Variants in GRIK2 observed in about 807,000 individuals in gnomAD.
The protein encoded by GRIK2 is glutamate ionotropic receptor kainate type subunit 2.
A neutral mutation model predicts 100.3 loss-of-function variants in GRIK2; 32 were observed. The observed-to-expected ratio is 0.32, with a 90% confidence interval of 0.24 to 0.43. GRIK2 has a LOEUF of 0.43. Ranked by LOEUF, GRIK2 falls within the 20% of genes least tolerant of loss-of-function variation. GRIK2 has a pLI of 1.00. For missense variants in GRIK2, 843 were observed against 1,114.9 expected, an observed-to-expected ratio of 0.76 and a Z score of 3.47; for synonymous variants, 417 against 389.4, an observed-to-expected ratio of 1.07 and a Z score of -0.83.
intron 2 of GRIK2, chr6:101,430,571 A>G (rs1769321020): frequency 6.3e-6 from 1 of 159,938 alleles, no homozygotes; most frequent in African/African-American, 2.4e-5. Flanking sequence ...AGTGATGCCC[A>G]GGTATGTGAT....
At chr6:101,788,790 A>T (rs1280953476) in intron 7 of GRIK2, among the ~76,000 whole-genome samples, 1 of 152,104 alleles carries the variant, frequency 6.6e-6, no homozygotes, top group Non-Finnish European at 1.5e-5. Context: ...CGCCACACTG[A>T]CTTCCACAAT....
At chr6:101,760,463 A>T (rs1408262180) in intron 7 of GRIK2, among the ~76,000 whole-genome samples, 2 of 18,852 alleles carry the variant, frequency 1.1e-4, no homozygotes, top group African/African-American at 2.1e-4. Flanking sequence ...AATTAATTAT[A>T]TTTAATTATA....
At chr6:101,686,040 G>T in intron 6 of GRIK2, 140 bp from the exon 7 acceptor site, 1 of 573,428 alleles carries the variant, frequency 1.7e-6, no homozygotes, top group Non-Finnish European at 3.1e-6. Flanking sequence ...TTTGAATCTT[G>T]GTGATTTGTG....
intron 7 of GRIK2, among the ~76,000 whole-genome samples, chr6:101,757,881 T>C (rs1442615190): frequency 6.6e-6 from 1 of 152,276 alleles, no homozygotes; most frequent in East Asian, 1.9e-4. Flanking sequence ...GTAGTTTTTT[T>C]CTGCTTAGAA....
At chr6:101,562,127 G>T (rs1171067757) in intron 2 of GRIK2, among the ~76,000 whole-genome samples, 1 of 152,074 alleles carries the variant, frequency 6.6e-6, no homozygotes, top group East Asian at 1.9e-4. Context: ...CTGTGAAAAG[G>T]GGGGAAATCT....
At chr6:101,934,568 G>A (rs1430397590) in intron 14 of GRIK2, among the ~76,000 whole-genome samples, 1 of 151,866 alleles carries the variant, frequency 6.6e-6, no homozygotes, top group African/African-American at 2.4e-5. Context: ...CTACAAGAAT[G>A]TAAGTAACTT....
intron 7 of GRIK2, among the ~76,000 whole-genome samples, chr6:101,691,598 G>A (rs565191240): frequency 1.3e-5 from 2 of 151,974 alleles, no homozygotes; most frequent in African/African-American, 4.8e-5. Flanking sequence ...CACTGCGCTC[G>A]GCCATTAGAA....
chr6:101,606,394 A>T lies in GRIK2; in HGVS notation c.116-15555A>T, dbSNP rs950531719. Reference sequence around the variant, plus strand: ...CACTGATCTGTTAAATACTGACCTCATTCATTTCCATGAATATTGGAATCA... The same window carrying T: ...CACTGATCTGTTAAATACTGACCTCTTTCATTTCCATGAATATTGGAATCA... On this transcript the variant is annotated intron_variant, in intron 2 of 16. Coordinates refer to ENST00000369134, the MANE Select transcript of GRIK2 (RefSeq NM_021956.5). 2.0e-5 allele frequency among the ~76,000 whole-genome samples: 3 copies of T among 151,970 alleles called. No individual in the cohort carries two copies. The East Asian group carries it at 5.8e-4, about 29-fold the overall frequency.
chr6:101,975,596 G>A (rs1793313411), intron 14 of GRIK2, among the ~76,000 whole-genome samples: 1 of 151,906 alleles, frequency 6.6e-6, no homozygotes, highest in African/African-American at 2.4e-5. Context: ...TGAGGTAAGT[G>A]AGGAAAAACT....
chr6:101,943,603 G>C (rs1582586030), intron 14 of GRIK2, among the ~76,000 whole-genome samples: 2 of 152,204 alleles, frequency 1.3e-5, no homozygotes, highest in Non-Finnish European at 2.9e-5. Flanking sequence ...CTGTATGTGA[G>C]ACATGGAGTC....
intron 4 of GRIK2, among the ~76,000 whole-genome samples, chr6:101,651,131 C>T (rs992125708): frequency 1.3e-5 from 2 of 150,660 alleles, no homozygotes; most frequent in Non-Finnish European, 2.9e-5. Context: ...AGATTATGAT[C>T]AATTTTCCCC....
At chr6:101,931,191 A>G (rs1306064849) in intron 14 of GRIK2, among the ~76,000 whole-genome samples, 1 of 152,050 alleles carries the variant, frequency 6.6e-6, no homozygotes, top group African/African-American at 2.4e-5. Context: ...TAAGAAATTT[A>G]AAAAAAATTC....
Position 101,547,709 on chromosome 6 carries a change from C to A in GRIK2, c.116-74240C>A, listed in dbSNP as rs572304513. 1.8e-4 allele frequency among the ~76,000 whole-genome samples: 27 copies of A among 152,116 alleles called. No individual in the cohort carries two copies. In the East Asian group the frequency reaches 4.6e-3, roughly 26 times the overall value. On this transcript the variant is annotated intron_variant, in intron 2 of 16. Coordinates refer to ENST00000369134, the MANE Select transcript of GRIK2 (RefSeq NM_021956.5). The stretch of plus-strand genomic sequence containing the variant: ...GTATATGTGCCACATTTTCTTAATC[C>A]AGTCTATCATTGTTGGACATTTGGG...
intron 2 of GRIK2, among the ~76,000 whole-genome samples, chr6:101,570,489 C>G (rs1163288663): frequency 6.6e-6 from 1 of 152,096 alleles, no homozygotes; most frequent in African/African-American, 2.4e-5. Context: ...CCCTTCTCCC[C>G]CTGCCAGCTC....
At chr6:101,640,508 C>T (rs867636138) in intron 4 of GRIK2, among the ~76,000 whole-genome samples, 1 of 152,112 alleles carries the variant, frequency 6.6e-6, no homozygotes, top group African/African-American at 2.4e-5. Flanking sequence ...TCAAAGATTG[C>T]TAACCTGGAG....
At chr6:101,760,734 T>TTATATATTTAATTATATTTAATATA (rs1777592133) in intron 7 of GRIK2, among the ~76,000 whole-genome samples, 1 of 133,612 alleles carries the variant, frequency 7.5e-6, no homozygotes, top group African/African-American at 2.8e-5. Flanking sequence ...AATTATATAA[T>TTATATATTTAATTATATTTAATATA]TATATATTTA....
At chr6:101,465,283 TTCCAAGTC>T (rs1181049496) in intron 2 of GRIK2, among the ~76,000 whole-genome samples, 2 of 152,100 alleles carry the variant, frequency 1.3e-5, no homozygotes, top group African/African-American at 4.8e-5. Context: ...CTTCCCATCC[TTCCAAGTC>T]TCCAATTTCT....
chr6:101,731,015 G>C (rs1429951454), intron 7 of GRIK2, among the ~76,000 whole-genome samples: 1 of 151,942 alleles, frequency 6.6e-6, no homozygotes. Context: ...ATGCAAAATA[G>C]ATGATTGATT....
chr6:101,609,785 T>C lies in GRIK2; in HGVS notation c.116-12164T>C, dbSNP rs546409515. On this transcript the variant is annotated intron_variant, in intron 2 of 16. Transcript: ENST00000369134. ...GAGTTTTCAGAGGAACCATGTATGG[T>C]AATAGAAGGTTATACCCTTGGTCCT... 2.7e-4 allele frequency among the ~76,000 whole-genome samples: 41 copies of C among 151,602 alleles called. 2 individuals are homozygous for C. The highest frequency in any genetic ancestry group is 1.5e-3 in the Admixed American group (22 of 15,150).
Sources: gnomAD v4.1 joint callset for allele counts (sites outside exome capture counted in the v4.1 genomes callset) on GRCh38, gnomAD v4.1.1 for gene constraint, MANE v1.5 for transcripts, NCBI Gene and HGNC (gene_info 2026-07-23, HGNC 2026-07-21) for gene names.